Variants in KANSL1 observed in about 807,000 individuals in gnomAD.
KANSL1 encodes the protein MLL1/MLL complex subunit KANSL1.
Under a neutral mutation model 103.6 loss-of-function variants are expected in KANSL1, and 22 were observed. The observed-to-expected ratio is 0.21, with a 90% CI of 0.15 to 0.30. The LOEUF (loss-of-function observed/expected upper bound fraction) is 0.30. Among genes scored for constraint, KANSL1 ranks in the 10% least tolerant of loss-of-function variants. KANSL1 has a pLI of 1.00. For missense variants in KANSL1, 1,337 were observed against 1,399.8 expected, an observed-to-expected ratio of 0.96 and a Z score of 0.72; for synonymous variants, 600 against 527.6, an observed-to-expected ratio of 1.14 and a Z score of -1.88.
chr17:46,155,730 T>C (rs1041514330), intron 2 of KANSL1, among the ~76,000 whole-genome samples: 6 of 152,078 alleles, frequency 3.9e-5, no homozygotes, highest in African/African-American at 1.2e-4. Flanking sequence ...AAGAGGAGCA[T>C]AACACTCTAG....
rs1486873707 is a variant in KANSL1 at position 46,171,752 on chromosome 17, A to C, written c.392T>G (p.Leu131Trp). The change falls in exon 2 of 15, where the codon TTG becomes TGG. Residue 131 changes from leucine to tryptophan, a missense_variant. This residue lies in a region of KANSL1 where 557 missense variants were observed against 476.4 expected (regional missense o/e 1.17). Coordinates refer to ENST00000432791, the MANE Select transcript of KANSL1 (RefSeq NM_015443.4). ...RAELLGRQPV[L>W]EFSLENLRTM... ...TCTAAGATTTTCTAAGGAAAACTCC[A>C]AAACTGGCTGTCTCCCCAACAGCTC... The C allele has an allele frequency of 5.0e-6, 8 of 1,590,140 alleles. No individual in the cohort carries two copies. The highest frequency in any genetic ancestry group is 6.8e-6 in the Non-Finnish European group (8 of 1,170,518).
chr17:46,215,944 G>A (rs1274152261), intron 1 of KANSL1, among the ~76,000 whole-genome samples: 2 of 152,172 alleles, frequency 1.3e-5, no homozygotes, highest in Non-Finnish European at 1.5e-5. Flanking sequence ...GGAGGCTGAG[G>A]CAAGAGAGTC....
chr17:46,077,854 G>A lies in KANSL1; in HGVS notation c.1533+4587C>T, dbSNP rs371466766. Among the ~76,000 whole-genome samples, 14 of 152,104 alleles carry A rather than the reference G, an allele frequency of 9.2e-5. No homozygotes were observed. The East Asian group carries it at 9.6e-4, about 10-fold the overall frequency. ...ATTACAGGCATGAGCCACCGTGCTC[G>A]GCCTAAAGTTTCATACATTTGTAAA... On this transcript the variant is annotated intron_variant, in intron 4 of 14. Coordinates refer to ENST00000432791, the MANE Select transcript of KANSL1 (RefSeq NM_015443.4).
chr17:46,202,044 A>C lies in KANSL1; in HGVS notation c.-90+21627T>G, dbSNP rs112483148. On this transcript the variant is annotated intron_variant, in intron 1 of 14. Coordinates refer to the KANSL1 transcript ENST00000572904. ...AAATTAGCTGGGCTTGGCACCGTGC[A>C]TCTGTACCAGTTAGTACCAGCTACC... is the stretch of plus-strand genomic sequence containing the variant. 8.3e-3 allele frequency among the ~76,000 whole-genome samples: 1,260 copies of C among 152,202 alleles called. 19 individuals carry two copies. The highest frequency in any genetic ancestry group is 0.026 in the African/African-American group (1,061 of 41,510).
At chr17:46,200,217 G>A (rs569827102) in intron 1 of KANSL1, among the ~76,000 whole-genome samples, 15 of 152,272 alleles carry the variant, frequency 9.9e-5, no homozygotes, top group African/African-American at 2.4e-4. Flanking sequence ...AGCAATCTAC[G>A]CAGGACCCAA....
intron 6 of KANSL1, among the ~76,000 whole-genome samples, chr17:46,055,665 T>A (rs17575437): frequency 0.14 from 21,787 of 152,002 alleles, 2,125 homozygotes; most frequent in Non-Finnish European, 0.22. Flanking sequence ...AAGATACAAC[T>A]GAAAGAATGT....
intron 2 of KANSL1, chr17:46,170,650 TACA>T (rs1252984196): frequency 2.7e-5 from 16 of 585,154 alleles, no homozygotes; most frequent in South Asian, 5.4e-5. Flanking sequence ...CCATTTAGAC[TACA>T]ACAATACAAC....
chr17:46,119,368 C>T (rs1229543952), intron 2 of KANSL1, among the ~76,000 whole-genome samples: 4 of 150,944 alleles, frequency 2.6e-5, no homozygotes, highest in South Asian at 2.1e-4. Context: ...GTTGCCCAGG[C>T]GCAATCTTGG....
upstream of KANSL1, among the ~76,000 whole-genome samples, chr17:46,194,847 A>G (rs1231120405): frequency 1.3e-5 from 2 of 152,228 alleles, no homozygotes; most frequent in Non-Finnish European, 1.5e-5. Flanking sequence ...GTCTTCCCAC[A>G]AAGTTACACT....
Position 46,066,643 on chromosome 17 carries a change from G to A in KANSL1, c.1742C>T (p.Ser581Phe). 6.2e-7 allele frequency: 1 copy of A among 1,614,196 alleles called. No homozygotes were observed. The highest frequency in any genetic ancestry group is 8.5e-7 in the Non-Finnish European group (1 of 1,180,032). The change falls in exon 6 of 15, where the codon TCT (serine) becomes TTT (phenylalanine). Residue 581 changes from serine (S) to phenylalanine (F), a missense_variant. Around this residue, in one of 2 missense-constraint regions of KANSL1, gnomAD observed 780 missense variants for 923.4 expected, o/e 0.84. Coordinates refer to ENST00000432791, the MANE Select transcript of KANSL1 (RefSeq NM_015443.4). ...CACACAGGTGCCATCAGATGATGAA[G>A]AGACGAGATTCAGTCGTTGCTTCTT... ...LHKKQRLNLVSSSSDGTCVAA... is the reference protein window; with the variant it reads ...LHKKQRLNLVFSSSDGTCVAA...
At chr17:46,112,459 CG>C (rs1287558929) in intron 2 of KANSL1, among the ~76,000 whole-genome samples, 1 of 145,478 alleles carries the variant, frequency 6.9e-6, no homozygotes, top group African/African-American at 2.6e-5. Flanking sequence ...CTGAGGCGAG[CG>C]GATCACCTGA....
At chr17:46,146,832 C>CAAAAAAA (rs1023164178) in intron 2 of KANSL1, among the ~76,000 whole-genome samples, 3 of 37,320 alleles carry the variant, frequency 8.0e-5, no homozygotes, top group Non-Finnish European at 1.2e-4. Context: ...GACTCCGTCT[C>CAAAAAAA]AAAAAAAAAA....
chr17:46,106,816 TGTG>T (rs1365248343), intron 2 of KANSL1, among the ~76,000 whole-genome samples: 1 of 136,516 alleles, frequency 7.3e-6, no homozygotes, highest in Non-Finnish European at 1.7e-5. Flanking sequence ...TAAAAATAAA[TGTG>T]GTAAAAAGGA....
chr17:46,145,158 A>G (rs1003791154), intron 2 of KANSL1, among the ~76,000 whole-genome samples: 1 of 152,262 alleles, frequency 6.6e-6, no homozygotes, highest in Non-Finnish European at 1.5e-5. Flanking sequence ...GATCTACACA[A>G]TGAAAAGCCA....
At chr17:46,181,880 T>A (rs2046811478) in intron 1 of KANSL1, among the ~76,000 whole-genome samples, 1 of 151,878 alleles carries the variant, frequency 6.6e-6, no homozygotes, top group Non-Finnish European at 1.5e-5. Flanking sequence ...AGGTCCTTCT[T>A]CTACTTTTTT....
chr17:46,049,257 T>C, intron 7 of KANSL1: 1 of 148,270 alleles, frequency 6.7e-6, no homozygotes, highest in East Asian at 2.0e-4. Context: ...TTTTTTTTTT[T>C]TTTTTTTTGA....
At chr17:46,140,103 A>G (rs1290952034) in intron 2 of KANSL1, among the ~76,000 whole-genome samples, 2 of 152,224 alleles carry the variant, frequency 1.3e-5, no homozygotes, top group South Asian at 2.1e-4. Context: ...AATCACTGTT[A>G]GCACTCTGGT....
chr17:46,109,024 C>T (rs1406878374), intron 2 of KANSL1, among the ~76,000 whole-genome samples: 1 of 152,212 alleles, frequency 6.6e-6, no homozygotes, highest in African/African-American at 2.4e-5. Flanking sequence ...TCATAGCTCA[C>T]TATAGCCTCA....
chr17:46,174,188 ATGTG>A (rs72149400), intron 1 of KANSL1, among the ~76,000 whole-genome samples: 1 of 151,808 alleles, frequency 6.6e-6, no homozygotes, highest in African/African-American at 2.4e-5. Context: ...GTGGGTGTGG[ATGTG>A]TGTGTGTGTG....
Sources: allele counts gnomAD v4.1 joint callset (sites outside exome capture counted in the v4.1 genomes callset), GRCh38; gene constraint gnomAD v4.1.1; regional missense constraint gnomAD v4.1.1; transcripts MANE v1.5; gene names NCBI Gene and HGNC (gene_info 2026-07-23, HGNC 2026-07-21).